Variants in CABLES2 observed in about 807,000 individuals in gnomAD.
CABLES2 encodes Cdk5 and Abl enzyme substrate 2, also known as CDK5 and ABL1 enzyme substrate 2.
In CABLES2, 35 loss-of-function variants were observed where a neutral mutation model predicts 44.8. The observed-to-expected ratio is 0.78, with a 90% confidence interval of 0.60 to 1.04. The LOEUF is 1.04. Among genes scored for constraint, CABLES2 ranks in the 50% least tolerant of loss-of-function variants. CABLES2 has a pLI of 0.00. For missense variants in CABLES2, 566 were observed against 615.7 expected (o/e 0.92, Z 0.85); for synonymous variants, 282 against 281.1 (o/e 1.00, Z -0.03).
At chr20:62,400,942 T>A (rs931936696) in intron 1 of CABLES2, among the ~76,000 whole-genome samples, 2 of 152,230 alleles carry the variant, frequency 1.3e-5, no homozygotes, top group Non-Finnish European at 2.9e-5. Context: ...GTAAACTAGA[T>A]CTGCACAGTT....
Position 62,396,283 on chromosome 20 carries a change from G to C in CABLES2, c.527+32C>G. The C allele has an allele frequency of 6.3e-7, 1 of 1,592,034 alleles. No homozygotes were observed. Among genetic ancestry groups the C allele is most frequent in the Non-Finnish European group, 8.6e-7 (1 of 1,160,162 alleles). On this transcript the variant is annotated intron_variant, in intron 3 of 9. Coordinates refer to ENST00000279101, the MANE Select transcript of CABLES2 (RefSeq NM_031215.3). The surrounding 1 kb of genome is among the most constrained non-coding windows in gnomAD (Gnocchi z 5.7). ...ACCCCGTGGGCTTATGGAGACCACAGCCCTGGCCCGGTTCCCGGCTCCGCT... is the reference window on the plus strand; with the variant it reads ...ACCCCGTGGGCTTATGGAGACCACACCCCTGGCCCGGTTCCCGGCTCCGCT...
intron 1 of CABLES2, chr20:62,403,366 A>G (rs1988224303): frequency 6.6e-6 from 1 of 152,272 alleles, no homozygotes; most frequent in Non-Finnish European, 1.5e-5. Flanking sequence ...TTAAGTCCTA[A>G]TCCAATGACT....
chr20:62,398,571 C>T (rs545123353), intron 1 of CABLES2, among the ~76,000 whole-genome samples: 21 of 152,316 alleles, frequency 1.4e-4, no homozygotes, highest in Non-Finnish European at 2.4e-4. Context: ...AGGCCAGCGC[C>T]GTCCTCAGGG....
chr20:62,400,863 C>G (rs1239247390), intron 1 of CABLES2, among the ~76,000 whole-genome samples: 1 of 152,206 alleles, frequency 6.6e-6, no homozygotes, highest in Admixed American at 6.5e-5. Context: ...AATCTGTTCC[C>G]AGCAGGTTCT....
chr20:62,393,597 A>G lies in CABLES2; in HGVS notation c.723T>C (p.Ser241=), dbSNP rs1484230822. 1.3e-6 allele frequency: 2 copies of G among 1,583,416 alleles called. No homozygotes were observed. The highest frequency in any genetic ancestry group is 8.6e-7 in the Non-Finnish European group (1 of 1,161,856). ...VELGADGKVV[S]YAKFLYPTNA... is the part of the protein sequence containing the mutation. ...TGGTGGGATACAGGAACTTCGCATA[A>G]GACACGACCTGGAAAAGCAAATGCA... Residue 241 remains serine (S), a synonymous_variant, in exon 6 of 10, where the codon TCT becomes TCC. Coordinates refer to ENST00000279101, the MANE Select transcript of CABLES2 (RefSeq NM_031215.3).
Position 62,395,004 on chromosome 20 carries a change from T to C in CABLES2, c.538A>G (p.Ile180Val). 1 of 1,612,804 alleles carries C rather than the reference T, an allele frequency of 6.2e-7. No homozygotes were observed. The highest frequency in any genetic ancestry group is 8.5e-7 in the Non-Finnish European group (1 of 1,179,866). The change falls in exon 4 of 10, where the codon ATC becomes GTC. Residue 180 changes from isoleucine to valine, a missense_variant. By Grantham distance (29) the Ile-to-Val change is conservative. Transcript: ENST00000279101. ...YDTRNSRIVLICAKRSLCAAF... is the reference protein window; with the variant it reads ...YDTRNSRIVLVCAKRSLCAAF... ...GCGCACAGGGACCGCTTGGCACAGA[T>C]GAGCACGATCCTGCAGGGGGACGGA...
In CABLES2 at chr20:62,388,851, G is replaced by A; in HGVS notation, c.*2120C>T. 4.0e-6 allele frequency: 1 copy of A among 249,266 alleles called. No homozygotes were observed. The highest frequency in any genetic ancestry group is 7.8e-6 in the Non-Finnish European group (1 of 127,958). The allele number at this position is 249,266 out of a possible 1,614,324, so 15.4% of individuals were successfully genotyped here. ...CCTGGATGTGTTCTAGAGAATGACA[G>A]GCTGAGACTGTAGTTTGGTTTAACT... On this transcript the variant is annotated 3_prime_UTR_variant, in exon 10 of 10. Coordinates refer to ENST00000279101, the MANE Select transcript of CABLES2 (RefSeq NM_031215.3).
In CABLES2 at chr20:62,391,577, C is replaced by T; in HGVS notation, c.1092-124G>A. The T allele has an allele frequency of 1.1e-6, 1 of 936,084 alleles. No individual in the cohort carries two copies. Among genetic ancestry groups the T allele is most frequent in the Non-Finnish European group, 1.7e-6 (1 of 593,144 alleles). The allele number at this position is 936,084 out of a possible 1,614,324, so 58.0% of individuals were successfully genotyped here. ...TGGGCCGCAAGAAACACCACCGCAT[C>T]CTTCAGGGGATGGTACCCTCCGCCG... On this transcript the variant is annotated intron_variant, in intron 8 of 9. Coordinates refer to ENST00000279101, the MANE Select transcript of CABLES2 (RefSeq NM_031215.3). This position sits in a 1 kb window ranked among gnomAD's most constrained non-coding sequence, Gnocchi z 5.7.
At chr20:62,398,280 TGGTGGTGATGGTGGCGATGGTGATGAC>T (rs1988119208) in intron 1 of CABLES2, among the ~76,000 whole-genome samples, 1 of 145,192 alleles carries the variant, frequency 6.9e-6, no homozygotes, top group Non-Finnish European at 1.5e-5. Flanking sequence ...GCGGTGGTGG[TGGTGGTGATGGTGGCGATGGTGATGAC>T]GGTGGTGATG....
chr20:62,388,683 A>T lies in CABLES2; in HGVS notation c.*2288T>A. On this transcript the variant is annotated 3_prime_UTR_variant, in exon 10 of 10. Transcript: ENST00000279101. The stretch of plus-strand genomic sequence containing the variant: ...AAATACATTATCCATTTAAAAACAG[A>T]TATCTAAGACAAAATAACTCAAACA... The T allele has an allele frequency of 1.7e-6, 1 of 593,870 alleles. No individual in the cohort carries two copies. The highest frequency in any genetic ancestry group is 2.8e-5 in the East Asian group (1 of 35,720). The allele number at this position is 593,870 out of a possible 1,614,324, so 36.8% of individuals were successfully genotyped here.
intron 1 of CABLES2, among the ~76,000 whole-genome samples, chr20:62,399,593 C>CTTTTTT (rs71195455): frequency 1.9e-5 from 2 of 107,638 alleles, no homozygotes; most frequent in Non-Finnish European, 3.5e-5. Flanking sequence ...GGGTCAGGTC[C>CTTTTTT]TTTTTTTTTT....
rs1601474633 is a variant in CABLES2, at chr20:62,396,998, C to T, written c.363-406G>A. ...CTGAGACTGGTGCTGCCTGCCCCTC[C>T]CTGAAGCACAGCTGGGCATTGGGGC... On this transcript the variant is annotated intron_variant, in intron 1 of 9. Transcript: ENST00000279101. The surrounding 1 kb of genome is among the most constrained non-coding windows in gnomAD (Gnocchi z 5.7). Among the ~76,000 whole-genome samples, 1 of 152,238 alleles carries T rather than the reference C, an allele frequency of 6.6e-6. No individual in the cohort carries two copies. The highest frequency in any genetic ancestry group is 1.9e-4 in the East Asian group (1 of 5,164).
rs1987881707 is a variant in CABLES2 at position 62,389,967 on chromosome 20, G to A, written c.*1004C>T. 6.6e-6 allele frequency: 1 copy of A among 152,164 alleles called. No individual in the cohort carries two copies. The highest frequency in any genetic ancestry group is 1.5e-5 in the Non-Finnish European group (1 of 68,036). 9.4% of individuals were successfully genotyped at this position (152,164 alleles called of 1,614,324 possible). On this transcript the variant is annotated 3_prime_UTR_variant, in exon 10 of 10. Coordinates refer to ENST00000279101, the MANE Select transcript of CABLES2 (RefSeq NM_031215.3). The stretch of plus-strand genomic sequence containing the variant: ...TGACGCACTGACCCTTTGAGGTTGT[G>A]TGGGGTGTGGTCAGTGCCCTCCTGC...
chr20:62,397,109 C>T (rs1471055788), intron 1 of CABLES2, among the ~76,000 whole-genome samples: 1 of 152,238 alleles, frequency 6.6e-6, no homozygotes. Flanking sequence ...CTGCACCAGC[C>T]ACAACCTCCC....
intron 1 of CABLES2, among the ~76,000 whole-genome samples, chr20:62,401,222 G>A (rs976599411): frequency 6.6e-6 from 1 of 151,242 alleles, no homozygotes; most frequent in Non-Finnish European, 1.5e-5. Context: ...ACAAGACTCT[G>A]ACAATGCTGA....
At chr20:62,395,545 G>A (rs1988002719) in intron 3 of CABLES2, among the ~76,000 whole-genome samples, 1 of 152,234 alleles carries the variant, frequency 6.6e-6, no homozygotes, top group East Asian at 1.9e-4. Flanking sequence ...CGGGCCCAGA[G>A]AGCACAGGCA....
chr20:62,398,117 GGTGGTGGTT>G, intron 1 of CABLES2, among the ~76,000 whole-genome samples: 1 of 145,880 alleles, frequency 6.9e-6, no homozygotes, highest in African/African-American at 2.6e-5. Context: ...TGGTGGTGGT[GGTGGTGGTT>G]ATGACGGTGG....
chr20:62,396,904 G>A lies in CABLES2; in HGVS notation c.363-312C>T, dbSNP rs1432134509. On this transcript the variant is annotated intron_variant, in intron 1 of 9. Coordinates refer to ENST00000279101, the MANE Select transcript of CABLES2 (RefSeq NM_031215.3). This position sits in a 1 kb window ranked among gnomAD's most constrained non-coding sequence, Gnocchi z 5.7. ...CAACCTGCCCTGCCCACCGAGGGTC[G>A]CTCGGCCCCAAGCAACACCCTGCTG... 1.3e-5 allele frequency among the ~76,000 whole-genome samples: 2 copies of A among 152,104 alleles called. No individual in the cohort carries two copies. Among genetic ancestry groups the A allele is most frequent in the Non-Finnish European group, 2.9e-5 (2 of 68,018 alleles).
intron 1 of CABLES2, chr20:62,405,639 T>C (rs1988268047): frequency 6.6e-6 from 1 of 152,290 alleles, no homozygotes; most frequent in Admixed American, 6.5e-5. Context: ...CCAAAGACCT[T>C]AGAGGAACCC....
Sources: gnomAD v4.1 joint callset for allele counts (sites outside exome capture counted in the v4.1 genomes callset) on GRCh38, gnomAD v4.1.1 for gene constraint, Gnocchi (gnomAD v3.1) non-coding constraint, MANE v1.5 for transcripts, NCBI Gene and HGNC (gene_info 2026-07-23, HGNC 2026-07-21) for gene names.